KAT14: variants seen among roughly 807,000 people sequenced by gnomAD.
KAT14 encodes lysine acetyltransferase 14, also known as cysteine-rich protein 2-binding protein.
A neutral mutation model predicts 78.4 loss-of-function variants in KAT14; 66 were observed. The ratio of observed to expected loss-of-function variants is 0.84; its 90% confidence interval spans 0.69 to 1.03. The LOEUF is 1.03. Among genes scored for constraint, KAT14 ranks in the 50% least tolerant of loss-of-function variants. The pLI is 0.00. For missense variants in KAT14, 870 were observed against 972.5 expected, an observed-to-expected ratio of 0.89 and a Z score of 1.40; for synonymous variants, 344 against 359.4, an observed-to-expected ratio of 0.96 and a Z score of 0.48.
chr20:18,166,104 A>T (rs765013824), intron 7 of KAT14, among the ~76,000 whole-genome samples: 1 of 152,256 alleles, frequency 6.6e-6, no homozygotes, highest in Non-Finnish European at 1.5e-5. Context: ...AAGTCAGCAC[A>T]GAGACAAAAG....
intron 7 of KAT14, among the ~76,000 whole-genome samples, chr20:18,171,864 C>T (rs868412773): frequency 2.6e-5 from 4 of 152,104 alleles, no homozygotes; most frequent in African/African-American, 9.7e-5. Flanking sequence ...TGGCATGCTT[C>T]AGTGTTGTCT....
chr20:18,147,047 C>T (rs2037854943), intron 3 of KAT14, among the ~76,000 whole-genome samples: 1 of 152,134 alleles, frequency 6.6e-6, no homozygotes, highest in Admixed American at 6.5e-5. Context: ...TAATTACCCA[C>T]AGCACTTTTT....
At chr20:18,141,023 A>T (rs1172115427) in intron 1 of KAT14, among the ~76,000 whole-genome samples, 3 of 48,756 alleles carry the variant, frequency 6.2e-5, no homozygotes, top group South Asian at 9.6e-4. Context: ...ACTCCCTGCA[A>T]TTTTTTTTTT....
chr20:18,170,162 C>G (rs1033387568), intron 7 of KAT14, among the ~76,000 whole-genome samples: 2 of 152,214 alleles, frequency 1.3e-5, no homozygotes, highest in African/African-American at 4.8e-5. Context: ...AACACGTTAT[C>G]TAGAAGACCT....
intron 4 of KAT14, among the ~76,000 whole-genome samples, chr20:18,151,513 A>G (rs1240873613): frequency 6.7e-6 from 1 of 148,860 alleles, no homozygotes; most frequent in Non-Finnish European, 1.5e-5. Context: ...TTTTGTAGAG[A>G]CAGGGGTCTC....
rs534956124 is a variant in KAT14 at position 18,177,126 on chromosome 20, A to G, written c.1669-4584A>G. On this transcript the variant is annotated intron_variant, in intron 7 of 10. Coordinates refer to ENST00000688188, the MANE Select transcript of KAT14 (RefSeq NM_001392073.1). Reference sequence around the variant, plus strand: ...AAACTTAGTGGCTTTTGATCCCTGTATCTTTTTTCTGATTCTGTGGATTGA... The same window carrying G: ...AAACTTAGTGGCTTTTGATCCCTGTGTCTTTTTTCTGATTCTGTGGATTGA... Among the ~76,000 whole-genome samples the G allele has an allele frequency of 2.0e-4, 31 of 152,286 alleles. 1 individual carries two copies. In the East Asian group the frequency reaches 3.9e-3, roughly 19 times the overall value.
chr20:18,178,595 C>T (rs923277466), intron 7 of KAT14, among the ~76,000 whole-genome samples: 8 of 152,116 alleles, frequency 5.3e-5, no homozygotes, highest in Non-Finnish European at 7.4e-5. Flanking sequence ...CATCAGATCT[C>T]GTGAGACTTA....
At chr20:18,176,173 G>A (rs907018798) in intron 7 of KAT14, among the ~76,000 whole-genome samples, 6 of 152,100 alleles carry the variant, frequency 3.9e-5, no homozygotes, top group East Asian at 3.9e-4. Context: ...ATGCTGGCGC[G>A]TGCCTGTAGT....
intron 4 of KAT14, among the ~76,000 whole-genome samples, chr20:18,151,719 C>A (rs1285427322): frequency 6.6e-6 from 1 of 151,052 alleles, no homozygotes; most frequent in Non-Finnish European, 1.5e-5. Flanking sequence ...AAAAAAAAAA[C>A]TTGGCTGGGC....
chr20:18,154,101 C>G (rs556678522), intron 4 of KAT14, among the ~76,000 whole-genome samples: 52 of 152,298 alleles, frequency 3.4e-4, no homozygotes, highest in African/African-American at 1.2e-3. Flanking sequence ...TTGGGAACTC[C>G]ACTTGAAATA....
chr20:18,150,898 CTG>C lies in KAT14; in HGVS notation c.459_460del (p.Ala154PhefsTer3). The C allele has an allele frequency of 1.2e-6, 2 of 1,614,134 alleles. No homozygotes were observed. The highest frequency in any genetic ancestry group is 2.2e-5 in the East Asian group (1 of 44,880). On this transcript the variant is annotated frameshift_variant, in exon 4 of 11. Transcript: ENST00000688188. LOFTEE classifies it high-confidence loss of function. ...GTTATTTCAGGTGGAAAGAAGATAT[CTG>C]TGCTTTTATTGAGAAACATTGGACT... ...QGYFRWKEDI[C>X]AFIEKHWTFL...
chr20:18,143,108 T>C (rs1178591210), intron 2 of KAT14, 189 bp downstream of exon 2: 1 of 1,349,098 alleles, frequency 7.4e-7, no homozygotes, highest in Non-Finnish European at 9.5e-7. Flanking sequence ...ACTGTCAACC[T>C]CTATCACATT....
intron 3 of KAT14, among the ~76,000 whole-genome samples, chr20:18,148,613 G>A (rs117535686): frequency 7.1e-6 from 1 of 140,998 alleles, no homozygotes; most frequent in Admixed American, 7.1e-5. Context: ...ATTTTTTTTT[G>A]TTTTTTTTTT....
chr20:18,157,990 T>G (rs1352889488), intron 4 of KAT14, among the ~76,000 whole-genome samples: 6 of 152,144 alleles, frequency 3.9e-5, no homozygotes, highest in Non-Finnish European at 8.8e-5. Flanking sequence ...CGGGCTGGAG[T>G]GCAATGGTGC....
At chr20:18,160,621 A>C (rs917317096) in intron 5 of KAT14, among the ~76,000 whole-genome samples, 1 of 151,998 alleles carries the variant, frequency 6.6e-6, no homozygotes, top group Admixed American at 6.5e-5. Context: ...AACATTTTTA[A>C]AAAGTAATAG....
At chr20:18,144,992 C>A (rs1288912768) in intron 2 of KAT14, 2 of 973,492 alleles carry the variant, frequency 2.1e-6, no homozygotes, top group African/African-American at 1.7e-5. Context: ...ACAATACCTG[C>A]TTTTCCAGTA....
At chr20:18,158,813 A>G (rs1481348032) in intron 4 of KAT14, among the ~76,000 whole-genome samples, 5 of 152,212 alleles carry the variant, frequency 3.3e-5, no homozygotes, top group Non-Finnish European at 7.3e-5. Context: ...CTTTGTTTGA[A>G]TTATTGCATT....
intron 7 of KAT14, among the ~76,000 whole-genome samples, chr20:18,175,480 T>C (rs2039004001): frequency 6.6e-6 from 1 of 152,052 alleles, no homozygotes; most frequent in Non-Finnish European, 1.5e-5. Flanking sequence ...CTCTGCTGCC[T>C]CACTCGTACC....
At chr20:18,168,752 T>C (rs2038748458) in intron 7 of KAT14, among the ~76,000 whole-genome samples, 1 of 152,186 alleles carries the variant, frequency 6.6e-6, no homozygotes, top group Admixed American at 6.5e-5. Flanking sequence ...TTTGTCTTAC[T>C]TGACAACTCT....
Sources: allele counts gnomAD v4.1 joint callset (sites outside exome capture counted in the v4.1 genomes callset), GRCh38; gene constraint gnomAD v4.1.1; transcripts MANE v1.5; gene names NCBI Gene and HGNC (gene_info 2026-07-23, HGNC 2026-07-21).